The following IKZF2 variants were observed in gnomAD, a reference collection of about 807,000 sequenced individuals.
IKZF2 encodes the protein zinc finger protein Helios.
IKZF2 carries 15 observed loss-of-function variants against 49.2 expected under a neutral mutation model. The observed-to-expected ratio is 0.30, with a 90% CI of 0.20 to 0.47. IKZF2 has a LOEUF of 0.47. Ranked by LOEUF, IKZF2 falls within the 20% of genes least tolerant of loss-of-function variation. The pLI, the probability that IKZF2 is intolerant of heterozygous loss-of-function variation, is 1.00. For missense variants in IKZF2, 567 were observed against 664.6 expected (o/e 0.85, Z 1.61); for synonymous variants, 227 against 221.4 (o/e 1.03, Z -0.23).
chr2:213,055,972 AT>A (rs1336019219), intron 5 of IKZF2, among the ~76,000 whole-genome samples: 1 of 152,152 alleles, frequency 6.6e-6, no homozygotes, highest in Admixed American at 6.6e-5. Flanking sequence ...AGTGAAAGCC[AT>A]CATTACCATT....
At chr2:213,036,448 A>C (rs1364318075) in intron 6 of IKZF2, among the ~76,000 whole-genome samples, 1 of 152,182 alleles carries the variant, frequency 6.6e-6, no homozygotes, top group Non-Finnish European at 1.5e-5. Context: ...CTTATCATGT[A>C]CTAGGAAACA....
Position 213,147,925 on chromosome 2 carries a change from T to C in IKZF2, c.35-113A>G, listed in dbSNP as rs939743838. The C allele has an allele frequency of 7.1e-6, 5 of 706,144 alleles. No homozygotes were observed. The East Asian group carries it at 7.4e-5, about 11-fold the overall frequency. The allele number at this position is 706,144 out of a possible 1,614,324, so 43.7% of individuals were successfully genotyped here. A position where few individuals can be genotyped will look rare whatever the true frequency, so the allele number is the denominator to read the frequency against. On this transcript the variant is annotated intron_variant, in intron 3 of 8. Coordinates refer to ENST00000434687, the MANE Select transcript of IKZF2 (RefSeq NM_001387220.1). ...GCATAGCCTTCAAACTGTAAGGTAA[T>C]ACATTTTTCCCTTAGAAACTATAAG... is the stretch of plus-strand genomic sequence containing the variant.
intron 4 of IKZF2, among the ~76,000 whole-genome samples, chr2:213,098,824 G>C (rs140918538): frequency 2.0e-5 from 3 of 152,104 alleles, no homozygotes; most frequent in Non-Finnish European, 4.4e-5. Flanking sequence ...AGGTGCTGAC[G>C]TGACCTCAGT....
intron 4 of IKZF2, among the ~76,000 whole-genome samples, chr2:213,091,286 T>C (rs910466489): frequency 5.3e-5 from 8 of 152,202 alleles, no homozygotes; most frequent in African/African-American, 1.9e-4. Context: ...AGTTTAAAAA[T>C]GTGGACTTTG....
chr2:213,022,569 T>C (rs533092818), intron 6 of IKZF2, among the ~76,000 whole-genome samples: 3 of 152,178 alleles, frequency 2.0e-5, no homozygotes, highest in East Asian at 3.9e-4. Context: ...ATGCAACAAC[T>C]TGAAATGTCA....
At chr2:213,105,463 G>A (rs116588314) in intron 4 of IKZF2, among the ~76,000 whole-genome samples, 3,715 of 151,522 alleles carry the variant, frequency 0.025, 71 homozygotes, top group East Asian at 0.059. Flanking sequence ...TCTCATTCCT[G>A]GACTGGTTTT....
At chr2:213,031,965 A>T (rs931914119) in intron 6 of IKZF2, among the ~76,000 whole-genome samples, 7 of 152,214 alleles carry the variant, frequency 4.6e-5, no homozygotes, top group African/African-American at 1.4e-4. Flanking sequence ...TAAGTGTAAC[A>T]TAAGTCATTT....
Position 213,006,318 on chromosome 2 carries a change from T to C in IKZF2, c.*1042A>G, listed in dbSNP as rs1272351700. On this transcript the variant is annotated 3_prime_UTR_variant, in exon 9 of 9. Coordinates refer to ENST00000434687, the MANE Select transcript of IKZF2 (RefSeq NM_001387220.1). ...TGAAAAAAACTAGTGAAAAGAGAAA[T>C]ACCAGAAAAGGGATTTCTAAGTGGG... 6.6e-6 allele frequency: 1 copy of C among 152,370 alleles called. No individual in the cohort carries two copies. The highest frequency in any genetic ancestry group is 1.5e-5 in the Non-Finnish European group (1 of 67,944). 9.4% of individuals were successfully genotyped at this position (152,370 alleles called of 1,614,324 possible).
chr2:213,124,560 T>C (rs1313541777), intron 4 of IKZF2, among the ~76,000 whole-genome samples: 1 of 152,194 alleles, frequency 6.6e-6, no homozygotes, highest in Non-Finnish European at 1.5e-5. Context: ...CACGACACAC[T>C]TGGATGCATA....
At chr2:213,123,923 T>C (rs1201835452) in intron 4 of IKZF2, among the ~76,000 whole-genome samples, 3 of 112,294 alleles carry the variant, frequency 2.7e-5, no homozygotes, top group Non-Finnish European at 5.5e-5. Context: ...TTGTGAGATA[T>C]TTAGCTTGAG....
rs1340787576 is a variant in IKZF2 at position 213,000,764 on chromosome 2, TAA to T, written c.*6594_*6595del. The stretch of plus-strand genomic sequence containing the variant: ...TTGCTTTTATTTAAAAGTTTATTTC[TAA>T]AAGGGGAGAAGTAAAATAAAAATAT... On this transcript the variant is annotated 3_prime_UTR_variant, in exon 9 of 9. Coordinates refer to ENST00000434687, the MANE Select transcript of IKZF2 (RefSeq NM_001387220.1). 5 of 151,906 alleles carry T rather than the reference TAA, an allele frequency of 3.3e-5. No homozygotes were observed. The highest frequency in any genetic ancestry group is 9.7e-5 in the African/African-American group (4 of 41,392). 9.4% of individuals were successfully genotyped at this position (151,906 alleles called of 1,614,324 possible). A position where few individuals can be genotyped will look rare whatever the true frequency, so the allele number is the denominator to read the frequency against.
intron 6 of IKZF2, among the ~76,000 whole-genome samples, chr2:213,027,766 T>G (rs1004710932): frequency 6.6e-6 from 1 of 152,166 alleles, no homozygotes; most frequent in Non-Finnish European, 1.5e-5. Flanking sequence ...TTTAAAAGTA[T>G]TATATAAATA....
intron 4 of IKZF2, among the ~76,000 whole-genome samples, chr2:213,079,345 C>T (rs1278892778): frequency 6.7e-6 from 1 of 148,392 alleles, no homozygotes; most frequent in African/African-American, 2.5e-5. Context: ...TGCCACTGTA[C>T]TGAAGCCTAG....
rs1574443436 is a variant in IKZF2, at chr2:213,002,451, A to C, written c.*4909T>G. ...TTTAAGGTTTCTGCAATAAATGTAA[A>C]AATATTCAAGGTGTCATTATTTGGC... On this transcript the variant is annotated 3_prime_UTR_variant, in exon 9 of 9. Transcript: ENST00000434687. 6.6e-6 allele frequency: 1 copy of C among 151,576 alleles called. No homozygotes were observed. The highest frequency in any genetic ancestry group is 2.4e-5 in the African/African-American group (1 of 41,414). The allele number at this position is 151,576 out of a possible 1,614,324, so 9.4% of individuals were successfully genotyped here. A position where few individuals can be genotyped will look rare whatever the true frequency, so the allele number is the denominator to read the frequency against.
chr2:213,121,801 C>A (rs1179859856), intron 4 of IKZF2, among the ~76,000 whole-genome samples: 1 of 152,216 alleles, frequency 6.6e-6, no homozygotes, highest in Non-Finnish European at 1.5e-5. Flanking sequence ...AGAGTTCCTT[C>A]TCAGTTTGGT....
At chr2:213,075,245 G>A (rs570692852) in intron 4 of IKZF2, among the ~76,000 whole-genome samples, 35 of 151,948 alleles carry the variant, frequency 2.3e-4, no homozygotes, top group African/African-American at 4.3e-4. Context: ...AAAGCTAATC[G>A]CTGCTTTAGA....
At chr2:213,089,763 G>A (rs1270162178) in intron 4 of IKZF2, among the ~76,000 whole-genome samples, 4 of 152,122 alleles carry the variant, frequency 2.6e-5, no homozygotes, top group African/African-American at 9.7e-5. Context: ...GGGGAGAAGG[G>A]TTAGTAAAAG....
chr2:213,136,079 AAAAG>A (rs1468863102), intron 4 of IKZF2, among the ~76,000 whole-genome samples: 1 of 150,484 alleles, frequency 6.6e-6, no homozygotes, highest in East Asian at 1.9e-4. Flanking sequence ...AAGAAAAAAG[AAAAG>A]AAAGAGCCGG....
rs769585988 is a variant in IKZF2, at chr2:213,007,868, A to T, written c.1073T>A (p.Val358Asp). ...APVISSAYSQVYHPNRIERPI... is the reference protein window; with the variant it reads ...APVISSAYSQDYHPNRIERPI... Reference sequence around the variant, plus strand: ...TCTTTCTATCCTATTTGGATGATAGACCTGAGAATAAGCTGAGCTTATAAC... The same window carrying T: ...TCTTTCTATCCTATTTGGATGATAGTCCTGAGAATAAGCTGAGCTTATAAC... Residue 358 changes from valine (V) to aspartate (D), a missense_variant, in exon 9 of 9, where the codon GTC (valine) becomes GAC (aspartate). This residue lies in a region of IKZF2 where 310 missense variants were observed against 326.9 expected (regional missense o/e 0.95). Coordinates refer to ENST00000434687, the MANE Select transcript of IKZF2 (RefSeq NM_001387220.1). The T allele has an allele frequency of 6.2e-7, 1 of 1,613,350 alleles. No homozygotes were observed. The highest frequency in any genetic ancestry group is 2.2e-5 in the East Asian group (1 of 44,822).
Sources: allele counts gnomAD v4.1 joint callset (sites outside exome capture counted in the v4.1 genomes callset), GRCh38; gene constraint gnomAD v4.1.1; regional missense constraint gnomAD v4.1.1; transcripts MANE v1.5; gene names NCBI Gene and HGNC (gene_info 2026-07-23, HGNC 2026-07-21).